SLC12A1: variants seen among roughly 807,000 people sequenced by gnomAD.
SLC12A1 encodes solute carrier family 12 member 1.
In SLC12A1, 89 loss-of-function variants were observed where a neutral mutation model predicts 130.4. The ratio of observed to expected loss-of-function variants is 0.68; its 90% CI spans 0.58 to 0.81. The LOEUF (loss-of-function observed/expected upper bound fraction) is 0.81, where lower values mean the gene tolerates loss of function less well. Ranked by LOEUF, SLC12A1 falls within the 40% of genes least tolerant of loss-of-function variation. SLC12A1 has a pLI of 0.00. For missense variants in SLC12A1, 1,310 were observed against 1,336.4 expected (o/e 0.98, Z 0.31); for synonymous variants, 499 against 460.0 (o/e 1.08, Z -1.09).
chr15:48,235,211 A>G (rs979033378), intron 9 of SLC12A1: 3 of 632,346 alleles, frequency 4.7e-6, no homozygotes, highest in Non-Finnish European at 8.5e-6. Flanking sequence ...AGTCTTATTC[A>G]GTGATATCAG....
At chr15:48,260,020 C>A (rs1053828979) in intron 17 of SLC12A1, among the ~76,000 whole-genome samples, 1 of 152,048 alleles carries the variant, frequency 6.6e-6, no homozygotes, top group African/African-American at 2.4e-5. Flanking sequence ...GTAATCCCAG[C>A]GCTTTGGGAG....
chr15:48,255,087 A>C (rs574851573), intron 15 of SLC12A1, among the ~76,000 whole-genome samples: 1 of 152,206 alleles, frequency 6.6e-6, no homozygotes, highest in South Asian at 2.1e-4. Flanking sequence ...TTTACTATTC[A>C]AAATATAAAG....
rs753520377 is a variant in SLC12A1, at chr15:48,244,743, G to T, written c.1301-10G>T. Reference sequence around the variant, plus strand: ...TATAAAGAAATAACAAGCCACGGTTGTTTCCACAGGGGCCTGTGTGGTCCG... The same window carrying T: ...TATAAAGAAATAACAAGCCACGGTTTTTTCCACAGGGGCCTGTGTGGTCCG... On this transcript the variant is annotated splice_polypyrimidine_tract_variant and intron_variant, in intron 10 of 26. Transcript: ENST00000380993. 1 of 1,613,620 alleles carries T rather than the reference G, an allele frequency of 6.2e-7. No homozygotes were observed. The highest frequency in any genetic ancestry group is 1.3e-5 in the African/African-American group (1 of 74,902).
At chr15:48,282,541 C>T (rs2141107691) in intron 20 of SLC12A1, among the ~76,000 whole-genome samples, 1 of 152,256 alleles carries the variant, frequency 6.6e-6, no homozygotes, top group Admixed American at 6.5e-5. Flanking sequence ...CTTACAGTTG[C>T]CACATCAGAG....
chr15:48,269,922 C>A (rs567194293), intron 19 of SLC12A1, among the ~76,000 whole-genome samples, 158 bp downstream of exon 19: 3 of 152,068 alleles, frequency 2.0e-5, no homozygotes, highest in African/African-American at 7.2e-5. Flanking sequence ...GAAAAAAACA[C>A]CACCAATAAT....
Position 48,251,781 on chromosome 15 carries a change from G to T in SLC12A1, c.1942+11G>T. The T allele has an allele frequency of 1.2e-6, 2 of 1,612,394 alleles. No individual in the cohort carries two copies. The highest frequency in any genetic ancestry group is 1.7e-6 in the Non-Finnish European group (2 of 1,178,782). On this transcript the variant is annotated intron_variant, in intron 15 of 26. Coordinates refer to ENST00000380993, the MANE Select transcript of SLC12A1 (RefSeq NM_000338.3). ...CTTGTAAGAAGCCAGGTAAGATAAT[G>T]ACTGTCTGGAATAGCGTTTCCAAAT...
chr15:48,298,737 CT>C (rs1468143857), intron 24 of SLC12A1, among the ~76,000 whole-genome samples: 7 of 152,178 alleles, frequency 4.6e-5, no homozygotes, highest in Non-Finnish European at 1.0e-4. Context: ...CCCATAGAGT[CT>C]GTACAATAAG....
intron 2 of SLC12A1, among the ~76,000 whole-genome samples, chr15:48,211,051 T>G (rs1247579475): frequency 1.3e-5 from 2 of 152,180 alleles, no homozygotes; most frequent in Admixed American, 1.3e-4. Flanking sequence ...ATTAAAATAT[T>G]AAAAATTAGG....
At chr15:48,283,882 G>GAAGCAA (rs3837723) in intron 20 of SLC12A1, among the ~76,000 whole-genome samples, 13,073 of 152,080 alleles carry the variant, frequency 0.086, 923 homozygotes, top group East Asian at 0.3. Flanking sequence ...CAAGAAGCAA[G>GAAGCAA]AAGCCTCCTA....
At chr15:48,268,370 A>T (rs752758955) in intron 18 of SLC12A1, among the ~76,000 whole-genome samples, 2 of 152,166 alleles carry the variant, frequency 1.3e-5, no homozygotes, top group Non-Finnish European at 2.9e-5. Flanking sequence ...AGAGACCCTC[A>T]GAAATTGTAG....
chr15:48,236,550 T>C (rs1373432325), intron 9 of SLC12A1, among the ~76,000 whole-genome samples: 2 of 152,144 alleles, frequency 1.3e-5, no homozygotes, highest in African/African-American at 4.8e-5. Context: ...TATAACTCCA[T>C]GAAAGTAGAG....
At chr15:48,225,847 C>T (rs1472328955) in intron 4 of SLC12A1, 2 of 967,006 alleles carry the variant, frequency 2.1e-6, no homozygotes, top group Admixed American at 1.2e-4. Context: ...CCTCTTTCAA[C>T]TGAGGTCTTG....
At chr15:48,211,853 T>C (rs906951047) in intron 2 of SLC12A1, among the ~76,000 whole-genome samples, 5 of 152,330 alleles carry the variant, frequency 3.3e-5, no homozygotes, top group Middle Eastern at 3.4e-3. Context: ...GTGATAGATA[T>C]TGACAGAATT....
At chr15:48,241,693 T>A in intron 10 of SLC12A1, 94 bp downstream of exon 10, 1 of 870,132 alleles carries the variant, frequency 1.1e-6, no homozygotes, top group East Asian at 2.4e-5. Context: ...AAATACAGAG[T>A]TTTTTAAAAG....
chr15:48,296,806 AC>A (rs538955073), intron 24 of SLC12A1, among the ~76,000 whole-genome samples: 195 of 152,318 alleles, frequency 1.3e-3, no homozygotes, highest in African/African-American at 4.6e-3. Flanking sequence ...ATCTTGAGCT[AC>A]GTCAGGATCC....
At position 48,220,732 on chromosome 15, in the gene SLC12A1, T is replaced by C. The variant is rs776171805; in HGVS notation, c.519T>C (p.Gly173=). ...AAAATAAGGAAGATGATCAAGCTGG[T>C]GTTGTGAAGTTTGGATGGGTGAAAG... ...QAENKEDDQA[G]VVKFGWVKGV... The change falls in exon 3 of 27, where the codon GGT becomes GGC. Residue 173 remains glycine (G), a synonymous_variant. Coordinates refer to ENST00000380993, the MANE Select transcript of SLC12A1 (RefSeq NM_000338.3). 3 of 1,613,862 alleles carry C rather than the reference T, an allele frequency of 1.9e-6. No individual in the cohort carries two copies. The highest frequency in any genetic ancestry group is 2.2e-5 in the South Asian group (2 of 91,074).
chr15:48,251,278 C>T (rs2041645332), intron 14 of SLC12A1, among the ~76,000 whole-genome samples: 1 of 151,712 alleles, frequency 6.6e-6, no homozygotes, highest in South Asian at 2.1e-4. Flanking sequence ...TTCCATTCCT[C>T]CTGCCTCTTT....
intron 1 of SLC12A1, among the ~76,000 whole-genome samples, chr15:48,206,807 T>A (rs2040988122): frequency 6.6e-6 from 1 of 152,168 alleles, no homozygotes; most frequent in Admixed American, 6.5e-5. Flanking sequence ...AGGACTTTTT[T>A]AAGGTATATG....
chr15:48,212,325 T>C (rs1488181491), intron 2 of SLC12A1, among the ~76,000 whole-genome samples: 1 of 152,236 alleles, frequency 6.6e-6, no homozygotes, highest in Non-Finnish European at 1.5e-5. Flanking sequence ...TCTAGGCTTA[T>C]ATAAACATAC....
Sources: gnomAD v4.1 joint callset for allele counts (sites outside exome capture counted in the v4.1 genomes callset) on GRCh38, gnomAD v4.1.1 for gene constraint, MANE v1.5 for transcripts, NCBI Gene and HGNC (gene_info 2026-07-23, HGNC 2026-07-21) for gene names.